PNPLA8: variants seen among roughly 807,000 people sequenced by gnomAD.
PNPLA8 encodes calcium-independent phospholipase A2-gamma.
A neutral mutation model predicts 76.9 loss-of-function variants in PNPLA8; 39 were observed. The ratio of observed to expected loss-of-function variants is 0.51; its 90% CI spans 0.39 to 0.66. The LOEUF is 0.66. Ranked by LOEUF, PNPLA8 falls within the 30% of genes least tolerant of loss-of-function variation. The probability of loss-of-function intolerance (pLI) is 0.00; values close to 1 mark genes in which losing one functional copy is unlikely to be tolerated. For synonymous variants in PNPLA8, 301 were observed against 307.9 expected (o/e 0.98, Z 0.24); for missense variants, 887 against 918.0 (o/e 0.97, Z 0.44).
In PNPLA8 at chr7:108,502,539, A is replaced by G. The variant is rs1262201754; in HGVS notation, c.1310T>C (p.Val437Ala). Reference protein sequence around the residue: ...ILALIGYVDPVKGRGIRILSI... With the variant: ...ILALIGYVDPAKGRGIRILSI... ...GAGAATTCGGATTCCTCTCCCTTTC[A>G]CTGGATCCACATAGCCAATTAGGGC... The change falls in exon 5 of 11, where the codon GTG (valine) becomes GCG (alanine). Residue 437 changes from valine to alanine, a missense_variant. Coordinates refer to ENST00000257694, the MANE Select transcript of PNPLA8 (RefSeq NM_001256007.3). 6.2e-7 allele frequency: 1 copy of G among 1,608,362 alleles called. No individual in the cohort carries two copies. The highest frequency in any genetic ancestry group is 1.7e-5 in the Admixed American group (1 of 59,186).
intron 2 of PNPLA8, among the ~76,000 whole-genome samples, chr7:108,516,809 G>A (rs149626868): frequency 0.018 from 2,701 of 152,136 alleles, 89 homozygotes; most frequent in African/African-American, 0.061. Context: ...GGCTGAGGCA[G>A]AAGAATCACT....
intron 7 of PNPLA8, among the ~76,000 whole-genome samples, chr7:108,494,989 GA>G (rs1174344866): frequency 6.6e-6 from 1 of 152,008 alleles, no homozygotes. Flanking sequence ...CATCAATAAT[GA>G]AAGTGATACA....
At chr7:108,502,191 C>G in intron 5 of PNPLA8, among the ~76,000 whole-genome samples, 1 of 150,992 alleles carries the variant, frequency 6.6e-6, no homozygotes, top group Non-Finnish European at 1.5e-5. Flanking sequence ...GCCTGTAATC[C>G]TAGCACTTTG....
At chr7:108,510,506 A>T (rs1345659982) in intron 4 of PNPLA8, 3 of 1,378,834 alleles carry the variant, frequency 2.2e-6, no homozygotes, top group Non-Finnish European at 2.0e-6. Context: ...GGCATTTGTC[A>T]TCAGAATCAG....
At chr7:108,522,737 T>G (rs1369265164) in intron 1 of PNPLA8, among the ~76,000 whole-genome samples, 1 of 152,146 alleles carries the variant, frequency 6.6e-6, no homozygotes, top group Non-Finnish European at 1.5e-5. Context: ...TAGGCTATGG[T>G]AAGAATTTTG....
In PNPLA8 at chr7:108,504,303, C is replaced by G. The variant is rs116362289; in HGVS notation, c.1207-1661G>C. 6.5e-3 allele frequency among the ~76,000 whole-genome samples: 993 copies of G among 152,148 alleles called. 13 individuals are homozygous for G. The highest frequency in any genetic ancestry group is 0.023 in the African/African-American group (936 of 41,516). ...TGAATCCAGTACCGAATTACAAAAA[C>G]CAAGAATTGATGTTCATATTAGAAT... is the stretch of plus-strand genomic sequence containing the variant. On this transcript the variant is annotated intron_variant, in intron 4 of 10. Coordinates refer to ENST00000257694, the MANE Select transcript of PNPLA8 (RefSeq NM_001256007.3).
Position 108,514,441 on chromosome 7 carries a change from C to T in PNPLA8, c.1051G>A (p.Glu351Lys). Residue 351 changes from glutamate to lysine, a missense_variant, in exon 3 of 11, where the codon GAA (glutamate) becomes AAA (lysine). Physicochemically the swap from Glu to Lys is moderately conservative, Grantham distance 56. Coordinates refer to ENST00000257694, the MANE Select transcript of PNPLA8 (RefSeq NM_001256007.3). ...AAGCACACTGAACAACTTGCCTTTT[C>T]TCGCTGAAGAGATAAACGCTTTTTC... Reference protein sequence around the residue: ...EEKKRLSLQREKIIARVSIDN... With the variant: ...EEKKRLSLQRKKIIARVSIDN... 6.2e-7 allele frequency: 1 copy of T among 1,601,070 alleles called. No homozygotes were observed. Among genetic ancestry groups the T allele is most frequent in the Non-Finnish European group, 8.5e-7 (1 of 1,174,622 alleles).
At chr7:108,502,700 G>C in intron 4 of PNPLA8, 58 bp from the exon 5 acceptor site, 3 of 1,300,568 alleles carry the variant, frequency 2.3e-6, no homozygotes, top group Non-Finnish European at 2.2e-6. Flanking sequence ...GAAAATGTAT[G>C]ATTATTATTA....
chr7:108,475,187 A>G (rs980996068), intron 10 of PNPLA8, among the ~76,000 whole-genome samples: 15 of 152,160 alleles, frequency 9.9e-5, no homozygotes, highest in Non-Finnish European at 1.6e-4. Flanking sequence ...ATCTAGTTGG[A>G]GGAAAACAAG....
At chr7:108,475,597 T>C (rs946480980) in intron 10 of PNPLA8, among the ~76,000 whole-genome samples, 3 of 152,150 alleles carry the variant, frequency 2.0e-5, no homozygotes, top group Admixed American at 6.5e-5. Context: ...TTTCTCTCAG[T>C]AATGTTTTAT....
At chr7:108,508,917 C>A (rs1330439138) in intron 4 of PNPLA8, among the ~76,000 whole-genome samples, 3 of 115,666 alleles carry the variant, frequency 2.6e-5, no homozygotes, top group East Asian at 2.4e-4. Context: ...GAAAAACAAG[C>A]AATGGGGAAA....
chr7:108,476,047 TTTC>T (rs1859968263), intron 10 of PNPLA8, among the ~76,000 whole-genome samples: 1 of 152,218 alleles, frequency 6.6e-6, no homozygotes, highest in African/African-American at 2.4e-5. Context: ...TCTCATTCCT[TTTC>T]TTAATTCATA....
intron 7 of PNPLA8, 128 bp from the exon 8 acceptor site, chr7:108,491,595 G>A: frequency 1.5e-6 from 1 of 658,930 alleles, no homozygotes; most frequent in South Asian, 1.8e-5. Context: ...AAACATGTAA[G>A]ACTCTCCTCT....
chr7:108,512,659 A>G (rs1300124048), intron 4 of PNPLA8, among the ~76,000 whole-genome samples: 1 of 152,208 alleles, frequency 6.6e-6, no homozygotes, highest in Non-Finnish European at 1.5e-5. Flanking sequence ...TTTAGCTGGA[A>G]AAGTTCACAC....
chr7:108,523,767 C>T (rs190945512), intron 1 of PNPLA8, among the ~76,000 whole-genome samples: 1 of 152,262 alleles, frequency 6.6e-6, no homozygotes, highest in East Asian at 1.9e-4. Context: ...ACCCTACTAC[C>T]CCAAGCTGAC....
intron 6 of PNPLA8, among the ~76,000 whole-genome samples, 196 bp from the exon 7 acceptor site, chr7:108,496,951 ATG>A (rs1291008443): frequency 6.6e-6 from 1 of 152,186 alleles, no homozygotes; most frequent in African/African-American, 2.4e-5. Context: ...ACCAAAATTC[ATG>A]TGTCTTACTG....
intron 4 of PNPLA8, among the ~76,000 whole-genome samples, chr7:108,503,002 C>A (rs977742107): frequency 6.6e-6 from 1 of 152,076 alleles, no homozygotes; most frequent in Non-Finnish European, 1.5e-5. Flanking sequence ...GAGGCTAAAA[C>A]TGATTCACAG....
Position 108,502,520 on chromosome 7 carries a change from T to C in PNPLA8, c.1329A>G (p.Arg443=). 4 of 1,609,770 alleles carry C rather than the reference T, an allele frequency of 2.5e-6. No individual in the cohort carries two copies. Among genetic ancestry groups the C allele is most frequent in the Non-Finnish European group, 3.4e-6 (4 of 1,177,822 alleles). ...YVDPVKGRGI[R]ILSIDGGGTR... The stretch of plus-strand genomic sequence containing the variant: ...TTCCTCCACCATCAATTGAGAGAAT[T>C]CGGATTCCTCTCCCTTTCACTGGAT... The change falls in exon 5 of 11, where the codon CGA becomes CGG. Residue 443 remains arginine, a synonymous_variant. Coordinates refer to ENST00000257694, the MANE Select transcript of PNPLA8 (RefSeq NM_001256007.3).
chr7:108,478,682 G>A (rs1176199602), intron 10 of PNPLA8, among the ~76,000 whole-genome samples: 3 of 152,076 alleles, frequency 2.0e-5, no homozygotes, highest in East Asian at 1.9e-4. Flanking sequence ...ATGAGCCATC[G>A]TGCCCAACCT....
Sources: gnomAD v4.1 joint callset for allele counts (sites outside exome capture counted in the v4.1 genomes callset) on GRCh38, gnomAD v4.1.1 for gene constraint, MANE v1.5 for transcripts, NCBI Gene and HGNC (gene_info 2026-07-23, HGNC 2026-07-21) for gene names.